The following TMEM132D variants were observed in gnomAD, a reference collection of about 807,000 sequenced individuals.
The protein encoded by TMEM132D is transmembrane protein 132D.
TMEM132D carries 21 observed loss-of-function variants against 62.3 expected under a neutral mutation model. That is an observed-to-expected ratio of 0.34 (90% confidence interval 0.24 to 0.49). The LOEUF is 0.49. TMEM132D is among the 20% of genes least tolerant of loss of function. The pLI is 0.99. For missense variants in TMEM132D, 1,346 were observed against 1,402.8 expected (o/e 0.96, Z 0.65); for synonymous variants, 621 against 575.6 (o/e 1.08, Z -1.13).
chr12:129,266,884 C>T (rs1051377900), intron 4 of TMEM132D, among the ~76,000 whole-genome samples: 2 of 152,132 alleles, frequency 1.3e-5, no homozygotes, highest in African/African-American at 2.4e-5. Context: ...GCAAATGTCT[C>T]CAAACAGAGC....
chr12:129,643,930 G>C (rs1036730495), intron 2 of TMEM132D, among the ~76,000 whole-genome samples: 1 of 150,282 alleles, frequency 6.7e-6, no homozygotes, highest in Non-Finnish European at 1.5e-5. Flanking sequence ...CTGCAACCTC[G>C]TGCAACCTCG....
chr12:129,527,263 C>T lies in TMEM132D; in HGVS notation c.1115+3796G>A, dbSNP rs142989799. Among the ~76,000 whole-genome samples, 549 of 152,220 alleles carry T rather than the reference C, an allele frequency of 3.6e-3. 4 individuals are homozygous for T. The highest frequency in any genetic ancestry group is 0.013 in the African/African-American group (522 of 41,524). On this transcript the variant is annotated intron_variant, in intron 3 of 8. Coordinates refer to ENST00000422113, the MANE Select transcript of TMEM132D (RefSeq NM_133448.3). The stretch of plus-strand genomic sequence containing the variant: ...GGCAGAGGCTGCAGTGAGCCAAGAT[C>T]GCACCACTGCACTCCGGCTTGGGCA...
intron 2 of TMEM132D, chr12:129,683,195 GA>G: frequency 6.6e-6 from 1 of 151,800 alleles, no homozygotes. Context: ...CATTTATGAA[GA>G]AGAATTTTCC....
Position 129,194,990 on chromosome 12 carries a change from C to T in TMEM132D, c.1443+14530G>A, listed in dbSNP as rs953425015. ...GGGCAGCAGGCATTTTTCCAGGCAC[C>T]GGGGAATAAGTAATGATCAAAACCA... On this transcript the variant is annotated intron_variant, in intron 5 of 8. Transcript: ENST00000422113. Among the ~76,000 whole-genome samples, 7 of 152,004 alleles carry T rather than the reference C, an allele frequency of 4.6e-5. No homozygotes were observed. In the South Asian group the frequency reaches 6.2e-4, roughly 14 times the overall value.
At chr12:129,891,401 C>T (rs79095650) in intron 1 of TMEM132D, among the ~76,000 whole-genome samples, 250 of 152,310 alleles carry the variant, frequency 1.6e-3, no homozygotes, top group Non-Finnish European at 2.4e-3. Context: ...AAGAGCAAGA[C>T]CTCTATTCAT....
At chr12:129,395,512 C>T (rs6486458) in intron 3 of TMEM132D, among the ~76,000 whole-genome samples, 1 of 151,902 alleles carries the variant, frequency 6.6e-6, no homozygotes, top group Non-Finnish European at 1.5e-5. Context: ...AGGACGTTCA[C>T]TGCAACGTTT....
At chr12:129,707,773 T>G (rs967351721) in intron 1 of TMEM132D, among the ~76,000 whole-genome samples, 1 of 152,180 alleles carries the variant, frequency 6.6e-6, no homozygotes, top group African/African-American at 2.4e-5. Context: ...ATATTTGCGC[T>G]GGACGCAGTG....
intron 5 of TMEM132D, among the ~76,000 whole-genome samples, chr12:129,141,649 GC>G (rs1465161254): frequency 6.6e-6 from 1 of 152,064 alleles, no homozygotes; most frequent in Non-Finnish European, 1.5e-5. Flanking sequence ...TAAAAAGTAG[GC>G]CTAATGCAGG....
intron 5 of TMEM132D, among the ~76,000 whole-genome samples, chr12:129,153,564 C>T (rs182416704): frequency 8.9e-4 from 136 of 152,076 alleles, no homozygotes; most frequent in Non-Finnish European, 1.5e-3. Flanking sequence ...CCTCTCTTAA[C>T]GATTTTCACA....
intron 2 of TMEM132D, among the ~76,000 whole-genome samples, chr12:129,663,378 T>TCCA (rs1314689062): frequency 6.6e-6 from 1 of 152,192 alleles, no homozygotes; most frequent in Non-Finnish European, 1.5e-5. Context: ...CCTCAGGTGA[T>TCCA]CCACCCACCT....
At chr12:129,181,534 T>G (rs978693974) in intron 5 of TMEM132D, among the ~76,000 whole-genome samples, 2 of 152,164 alleles carry the variant, frequency 1.3e-5, no homozygotes, top group Admixed American at 1.3e-4. Flanking sequence ...ATCCCAACCT[T>G]GGCTTGATGT....
At chr12:129,525,653 G>A (rs760490373) in intron 3 of TMEM132D, among the ~76,000 whole-genome samples, 1 of 152,144 alleles carries the variant, frequency 6.6e-6, no homozygotes, top group Non-Finnish European at 1.5e-5. Context: ...ACAGTCCAGG[G>A]AAGGCTGGCA....
Position 129,828,084 on chromosome 12 carries a change from G to C in TMEM132D, c.79+75177C>G, listed in dbSNP as rs376840441. 2.2e-4 allele frequency among the ~76,000 whole-genome samples: 34 copies of C among 152,230 alleles called. 1 individual carries two copies. In the East Asian group the frequency reaches 6.2e-3, roughly 28 times the overall value. ...ATAACTTATTCTTTTACTGCAATGAGAATGATTGTATGCAAATCATATGCA... is the reference window on the plus strand; with the variant it reads ...ATAACTTATTCTTTTACTGCAATGACAATGATTGTATGCAAATCATATGCA... On this transcript the variant is annotated intron_variant, in intron 1 of 8. Transcript: ENST00000422113.
intron 3 of TMEM132D, among the ~76,000 whole-genome samples, chr12:129,442,252 T>A (rs890695586): frequency 1.5e-4 from 23 of 152,200 alleles, no homozygotes; most frequent in African/African-American, 5.3e-4. Flanking sequence ...CACATTCTGT[T>A]AGATTCAGAG....
At chr12:129,396,953 C>T (rs113256832) in intron 3 of TMEM132D, among the ~76,000 whole-genome samples, 5,462 of 152,248 alleles carry the variant, frequency 0.036, 159 homozygotes, top group African/African-American at 0.084. Flanking sequence ...AGTCACATTG[C>T]TTGTACACCT....
At chr12:129,321,027 T>C (rs1868687963) in intron 4 of TMEM132D, among the ~76,000 whole-genome samples, 1 of 152,178 alleles carries the variant, frequency 6.6e-6, no homozygotes, top group Non-Finnish European at 1.5e-5. Flanking sequence ...ACATAACATT[T>C]ATAGCTTTAT....
intron 5 of TMEM132D, among the ~76,000 whole-genome samples, chr12:129,148,608 C>T (rs1386933236): frequency 6.6e-6 from 1 of 152,150 alleles, no homozygotes; most frequent in Admixed American, 6.5e-5. Flanking sequence ...CCCATAGGAC[C>T]CATGTTTGGA....
chr12:129,136,991 G>A (rs1876592908), intron 5 of TMEM132D, among the ~76,000 whole-genome samples: 1 of 135,804 alleles, frequency 7.4e-6, no homozygotes, highest in Non-Finnish European at 1.6e-5. Flanking sequence ...AGCATCATCA[G>A]CATCATCAGC....
chr12:129,665,204 G>A (rs1051581588), intron 2 of TMEM132D, among the ~76,000 whole-genome samples: 2 of 151,970 alleles, frequency 1.3e-5, no homozygotes, highest in East Asian at 1.9e-4. Context: ...AGGTGGGGGG[G>A]GCATCTTGGG....
Sources: gnomAD v4.1 joint callset for allele counts (sites outside exome capture counted in the v4.1 genomes callset) on GRCh38, gnomAD v4.1.1 for gene constraint, MANE v1.5 for transcripts, NCBI Gene and HGNC (gene_info 2026-07-23, HGNC 2026-07-21) for gene names.